Variants in ATP2C1 observed in about 807,000 individuals in gnomAD.
ATP2C1 encodes calcium-transporting ATPase type 2C member 1.
A neutral mutation model predicts 120.5 loss-of-function variants in ATP2C1; 31 were observed. That is an observed-to-expected ratio of 0.26 (90% CI 0.19 to 0.35). ATP2C1 has a LOEUF of 0.35. ATP2C1 is among the 10% of genes least tolerant of loss of function. The pLI is 1.00. For synonymous variants in ATP2C1, 351 were observed against 358.7 expected (o/e 0.98, Z 0.24); for missense variants, 731 against 1,107.5 (o/e 0.66, Z 4.83).
intron 8 of ATP2C1, among the ~76,000 whole-genome samples, chr3:130,942,699 T>C (rs901182058): frequency 6.6e-6 from 1 of 152,260 alleles, no homozygotes; most frequent in Admixed American, 6.5e-5. Flanking sequence ...CTAGGAATAA[T>C]TGATAATATT....
chr3:130,997,558 C>G (rs757236714), intron 24 of ATP2C1, 48 bp from the exon 25 acceptor site: 2 of 1,577,568 alleles, frequency 1.3e-6, no homozygotes, highest in East Asian at 4.5e-5. Flanking sequence ...AGTAACAAAT[C>G]CAGACCTTAA....
At chr3:130,890,915 A>T (rs889748473), upstream of ATP2C1, among the ~76,000 whole-genome samples, 4 of 152,180 alleles carry the variant, frequency 2.6e-5, no homozygotes, top group African/African-American at 7.2e-5. Flanking sequence ...ATATGTTTTT[A>T]ACGTGTCCAA....
chr3:130,918,171 A>G, intron 2 of ATP2C1: 6 of 1,028,674 alleles, frequency 5.8e-6, no homozygotes, highest in Non-Finnish European at 7.7e-6. Context: ...CTGTGCCTAG[A>G]TTATGAAGAG....
chr3:130,983,535 G>C (rs996445355), intron 20 of ATP2C1, among the ~76,000 whole-genome samples: 1 of 152,220 alleles, frequency 6.6e-6, no homozygotes, highest in East Asian at 1.9e-4. Flanking sequence ...CCTTTCTAGG[G>C]GTTTTGACAA....
At chr3:130,873,978 C>T (rs1157748017) in intron 1 of ATP2C1, among the ~76,000 whole-genome samples, 3 of 151,814 alleles carry the variant, frequency 2.0e-5, no homozygotes, top group Admixed American at 6.6e-5. Flanking sequence ...GGCATGGTGG[C>T]GGGTGCCTGT....
At chr3:130,958,083 GT>G (rs1451467789) in intron 11 of ATP2C1, among the ~76,000 whole-genome samples, 1 of 151,984 alleles carries the variant, frequency 6.6e-6, no homozygotes, top group Non-Finnish European at 1.5e-5. Context: ...AATCTTTGTA[GT>G]TTCTATTAGC....
intron 20 of ATP2C1, among the ~76,000 whole-genome samples, chr3:130,985,478 C>T (rs959841496): frequency 1.3e-5 from 2 of 151,774 alleles, no homozygotes; most frequent in African/African-American, 4.8e-5. Context: ...ACTAAAAATA[C>T]AAAAATTAGC....
upstream of ATP2C1, among the ~76,000 whole-genome samples, chr3:130,890,772 A>G (rs978489115): frequency 3.8e-4 from 58 of 152,246 alleles, 1 homozygote; most frequent in African/African-American, 1.4e-3. Flanking sequence ...CTGATTTCGT[A>G]CAACACTCTT....
rs1418909069 is a variant in ATP2C1, at chr3:131,016,090, C to A, written c.2630-62C>A. On this transcript the variant is annotated intron_variant, in intron 26 of 26. Transcript: ENST00000328560. The stretch of plus-strand genomic sequence containing the variant: ...GTTGCTTTAAATATAAGTGAAAATA[C>A]TGTATTTACTTTTGTGTGCTTCCAT... 7.1e-6 allele frequency: 11 copies of A among 1,539,514 alleles called. No individual in the cohort carries two copies. The East Asian group carries it at 1.6e-4, about 23-fold the overall frequency.
rs2062479709 is a variant in ATP2C1, at chr3:130,994,004, G to T, written c.1963G>T (p.Ala655Ser). ...GVNDAVALKA[A>S]DIGVAMGQTG... is the part of the protein sequence containing the mutation. Reference sequence around the variant, plus strand: ...AAATGATGCAGTTGCTCTGAAGGCTGCAGACATTGGAGTTGCGATGGGCCA... The same window carrying T: ...AAATGATGCAGTTGCTCTGAAGGCTTCAGACATTGGAGTTGCGATGGGCCA... Residue 655 changes from alanine (A) to serine (S), a missense_variant, in exon 22 of 28, where the codon GCA becomes TCA. By Grantham distance (99) the Ala-to-Ser change is moderately conservative (BLOSUM62 1). Around this residue, in one of 3 missense-constraint regions of ATP2C1, gnomAD observed 571 missense variants for 845.9 expected, o/e 0.67. Transcript: ENST00000510168. 6.2e-7 allele frequency: 1 copy of T among 1,614,154 alleles called. No individual in the cohort carries two copies. Among genetic ancestry groups the T allele is most frequent in the Non-Finnish European group, 8.5e-7 (1 of 1,180,010 alleles).
chr3:130,977,967 A>G (rs575346954), intron 18 of ATP2C1, among the ~76,000 whole-genome samples: 17 of 152,216 alleles, frequency 1.1e-4, no homozygotes, highest in Non-Finnish European at 2.4e-4. Context: ...AAGTTTACCT[A>G]TCCTTGACTC....
chr3:131,012,629 TACTTG>T (rs1292372347), intron 26 of ATP2C1, among the ~76,000 whole-genome samples: 1 of 152,314 alleles, frequency 6.6e-6, no homozygotes, highest in Admixed American at 6.5e-5. Context: ...AAAATAGATG[TACTTG>T]ACTACTCTTT....
intron 22 of ATP2C1, among the ~76,000 whole-genome samples, chr3:130,995,686 G>A (rs2062583140): frequency 6.6e-6 from 1 of 152,144 alleles, no homozygotes; most frequent in African/African-American, 2.4e-5. Flanking sequence ...TGTTGCCAAG[G>A]CTGGAGTGCA....
chr3:130,907,727 TTTC>T (rs1297503056), intron 2 of ATP2C1, among the ~76,000 whole-genome samples: 1 of 149,200 alleles, frequency 6.7e-6, no homozygotes, highest in Non-Finnish European at 1.5e-5. Flanking sequence ...AGTGTCTGCC[TTTC>T]TTTTTTTTTT....
intron 2 of ATP2C1, among the ~76,000 whole-genome samples, chr3:130,916,794 G>C (rs2058710634): frequency 6.6e-6 from 1 of 151,902 alleles, no homozygotes; most frequent in Non-Finnish European, 1.5e-5. Context: ...TCAGCTCTCA[G>C]TTCTCTATCT....
In ATP2C1 at chr3:130,998,335, C is replaced by T. The variant is rs753724086; in HGVS notation, c.2433C>T (p.Thr811=). 2.7e-5 allele frequency: 44 copies of T among 1,612,960 alleles called. No homozygotes were observed. The highest frequency in any genetic ancestry group is 3.3e-5 in the Admixed American group (2 of 59,992). ...NVITPRDTTM[T]FTCFVFFDMF... ...TTACACCTCGAGACACAACAATGAC[C>T]TTCACATGCTTTGTGTTTTTTGACA... The change falls in exon 26 of 28, where the codon ACC becomes ACT. Residue 811 remains threonine (T), a synonymous_variant. Transcript: ENST00000510168.
At chr3:130,991,506 G>T (rs1383800064) in intron 20 of ATP2C1, among the ~76,000 whole-genome samples, 1 of 151,864 alleles carries the variant, frequency 6.6e-6, no homozygotes, top group African/African-American at 2.4e-5. Flanking sequence ...CCTTGCTGCT[G>T]CACTTTACCA....
At chr3:130,857,324 T>C (rs1406253357) in intron 1 of ATP2C1, among the ~76,000 whole-genome samples, 1 of 152,200 alleles carries the variant, frequency 6.6e-6, no homozygotes, top group Non-Finnish European at 1.5e-5. Flanking sequence ...GGTCTTTCTC[T>C]CTCCCAAATA....
chr3:130,975,049 A>T (rs1207819263), intron 17 of ATP2C1, among the ~76,000 whole-genome samples: 1 of 152,134 alleles, frequency 6.6e-6, no homozygotes, highest in African/African-American at 2.4e-5. Flanking sequence ...ATTTCCTGTT[A>T]TGTTGCAGTG....
Sources: allele counts gnomAD v4.1 joint callset (sites outside exome capture counted in the v4.1 genomes callset), GRCh38; gene constraint gnomAD v4.1.1; regional missense constraint gnomAD v4.1.1; transcripts MANE v1.5; gene names NCBI Gene and HGNC (gene_info 2026-07-23, HGNC 2026-07-21).